The following SLC35F4 variants were observed in gnomAD, a reference collection of about 807,000 sequenced individuals.
SLC35F4 encodes chromosome 14 open reading frame 36.
Under a neutral mutation model 44.2 loss-of-function variants are expected in SLC35F4, and 24 were observed. That is an observed-to-expected ratio of 0.54 (90% confidence interval 0.39 to 0.76). The LOEUF is 0.76. Among genes scored for constraint, SLC35F4 ranks in the 30% least tolerant of loss-of-function variants. The pLI, the probability that SLC35F4 is intolerant of heterozygous loss-of-function variation, is 0.00. For synonymous variants in SLC35F4, 238 were observed against 223.6 expected (o/e 1.06, Z -0.57); for missense variants, 562 against 586.1 (o/e 0.96, Z 0.42).
At chr14:57,881,343 C>T (rs1284198971) in intron 1 of SLC35F4, among the ~76,000 whole-genome samples, 2 of 152,156 alleles carry the variant, frequency 1.3e-5, no homozygotes, top group African/African-American at 4.8e-5. Context: ...TGCCTCCTTC[C>T]AGTACTTCCC....
At chr14:57,859,972 G>A (rs1290938065) in intron 1 of SLC35F4, among the ~76,000 whole-genome samples, 3 of 152,136 alleles carry the variant, frequency 2.0e-5, no homozygotes, top group South Asian at 2.1e-4. Context: ...TAGAATGTTC[G>A]AAGGAATTTT....
chr14:57,805,471 G>A (rs1461676709), intron 1 of SLC35F4, among the ~76,000 whole-genome samples: 8 of 152,160 alleles, frequency 5.3e-5, no homozygotes, highest in African/African-American at 1.7e-4. Context: ...CCTTTGCTGG[G>A]ACATGGATGG....
At chr14:57,725,303 G>A (rs2076175834) in intron 1 of SLC35F4, among the ~76,000 whole-genome samples, 2 of 152,126 alleles carry the variant, frequency 1.3e-5, no homozygotes, top group African/African-American at 4.8e-5. Flanking sequence ...ACTGCTGAGT[G>A]CCCAATTTGC....
intron 1 of SLC35F4, among the ~76,000 whole-genome samples, chr14:57,759,548 C>G (rs2077073669): frequency 6.6e-6 from 1 of 152,058 alleles, no homozygotes; most frequent in South Asian, 2.1e-4. Context: ...CCACTGCACT[C>G]CAGCCTGGGT....
intron 1 of SLC35F4, among the ~76,000 whole-genome samples, chr14:57,806,878 G>A (rs1881388951): frequency 6.6e-6 from 1 of 152,112 alleles, no homozygotes; most frequent in Non-Finnish European, 1.5e-5. Flanking sequence ...AAAAAATAAA[G>A]CTACTTCCTA....
intron 1 of SLC35F4, among the ~76,000 whole-genome samples, chr14:57,751,986 A>G (rs993157036): frequency 2.7e-5 from 4 of 150,620 alleles, no homozygotes; most frequent in African/African-American, 7.3e-5. Flanking sequence ...CAGGTGATTC[A>G]TTATTTTTTC....
Position 57,865,043 on chromosome 14 carries a change from G to A in SLC35F4, c.103+680C>T, listed in dbSNP as rs1430711356. 2.1e-5 allele frequency among the ~76,000 whole-genome samples: 3 copies of A among 144,880 alleles called. No individual in the cohort carries two copies. In the East Asian group the frequency reaches 6.3e-4, roughly 31 times the overall value. ...TGCGGCGGGGGCGGGTGGCCCTGTCGCCTCCCCTTCTCAGACCCCCCCCCC... is the reference window on the plus strand; with the variant it reads ...TGCGGCGGGGGCGGGTGGCCCTGTCACCTCCCCTTCTCAGACCCCCCCCCC... On this transcript the variant is annotated intron_variant, in intron 1 of 7. Transcript: ENST00000556826.
intron 1 of SLC35F4, among the ~76,000 whole-genome samples, chr14:57,805,934 T>G (rs1269940796): frequency 6.6e-6 from 1 of 152,238 alleles, no homozygotes; most frequent in Non-Finnish European, 1.5e-5. Flanking sequence ...GTTTGGAATA[T>G]TCTCAGAATT....
intron 1 of SLC35F4, among the ~76,000 whole-genome samples, chr14:57,749,867 T>C (rs2076842009): frequency 6.6e-6 from 1 of 152,226 alleles, no homozygotes; most frequent in Admixed American, 6.5e-5. Flanking sequence ...ACACATGACT[T>C]GCAGTGGCCA....
chr14:57,607,868 A>T (rs1302574654), intron 1 of SLC35F4, among the ~76,000 whole-genome samples: 1 of 152,188 alleles, frequency 6.6e-6, no homozygotes, highest in Non-Finnish European at 1.5e-5. Flanking sequence ...GATGGAATGG[A>T]TATAAATTGG....
upstream of SLC35F4, among the ~76,000 whole-genome samples, chr14:57,870,188 C>T (rs1323411566): frequency 2.9e-5 from 4 of 139,156 alleles, no homozygotes; most frequent in Non-Finnish European, 3.0e-5. Context: ...CCCTCTCTCT[C>T]GGTCTGTTTT....
chr14:57,770,681 A>G (rs866924294), intron 1 of SLC35F4, among the ~76,000 whole-genome samples: 1 of 152,068 alleles, frequency 6.6e-6, no homozygotes, highest in African/African-American at 2.4e-5. Flanking sequence ...TGGGATTTGC[A>G]TATTTGTGAT....
At chr14:57,792,388 A>G (rs2077943100) in intron 1 of SLC35F4, among the ~76,000 whole-genome samples, 1 of 152,180 alleles carries the variant, frequency 6.6e-6, no homozygotes, top group South Asian at 2.1e-4. Flanking sequence ...CTACCATTTG[A>G]TCCATCAATC....
chr14:57,747,730 A>ATG (rs1396941930), intron 1 of SLC35F4, among the ~76,000 whole-genome samples: 25 of 152,194 alleles, frequency 1.6e-4, no homozygotes, highest in Non-Finnish European at 3.5e-4. Flanking sequence ...ACCTAAAAAC[A>ATG]TTTATAGTAA....
intron 1 of SLC35F4, among the ~76,000 whole-genome samples, chr14:57,912,344 AG>A (rs1889231035): frequency 6.6e-6 from 1 of 151,838 alleles, no homozygotes; most frequent in Non-Finnish European, 1.5e-5. Flanking sequence ...GTAGAAACGT[AG>A]ATTATTGACT....
chr14:57,817,436 C>T (rs1882722940), intron 1 of SLC35F4, among the ~76,000 whole-genome samples: 1 of 152,144 alleles, frequency 6.6e-6, no homozygotes, highest in Non-Finnish European at 1.5e-5. Flanking sequence ...GAGGCAGGTG[C>T]TTCACGTGAC....
intron 1 of SLC35F4, among the ~76,000 whole-genome samples, chr14:57,660,697 G>A (rs2074110655): frequency 6.6e-6 from 1 of 152,040 alleles, no homozygotes; most frequent in African/African-American, 2.4e-5. Context: ...CTGCTCTGGG[G>A]GAAGCCAGCT....
intron 1 of SLC35F4, among the ~76,000 whole-genome samples, chr14:57,649,556 T>G (rs192155318): frequency 1.4e-4 from 21 of 152,272 alleles, no homozygotes; most frequent in Non-Finnish European, 2.6e-4. Context: ...TTTATTCACA[T>G]CTGCAATGTT....
chr14:57,653,883 C>G (rs552403069), intron 1 of SLC35F4, among the ~76,000 whole-genome samples: 1 of 152,256 alleles, frequency 6.6e-6, no homozygotes, highest in South Asian at 2.1e-4. Context: ...AGCCCAAGAT[C>G]AAGGTATTGA....
Sources: gnomAD v4.1 joint callset for allele counts (sites outside exome capture counted in the v4.1 genomes callset) on GRCh38, gnomAD v4.1.1 for gene constraint, MANE v1.5 for transcripts, NCBI Gene and HGNC (gene_info 2026-07-23, HGNC 2026-07-21) for gene names.